The following PCDHA1 variants were observed in gnomAD, a reference collection of about 807,000 sequenced individuals.
PCDHA1 encodes the protein protocadherin alpha 1.
PCDHA1 carries 42 observed loss-of-function variants against 61.3 expected under a neutral mutation model. The observed-to-expected ratio is 0.69, with a 90% CI of 0.54 to 0.89. PCDHA1 has a LOEUF of 0.89. Ranked by LOEUF, PCDHA1 falls within the 40% of genes least tolerant of loss-of-function variation. The pLI is 0.00. For synonymous variants in PCDHA1, 610 were observed against 553.8 expected (o/e 1.10, Z -1.43); for missense variants, 1,256 against 1,235.3 (o/e 1.02, Z -0.25).
Position 140,830,132 on chromosome 5 carries a change from C to T in PCDHA1, c.2394+41448C>T, listed in dbSNP as rs116757950. The T allele has an allele frequency of 1.9e-3, 3,075 of 1,613,350 alleles. 56 individuals carry two copies. In the African/African-American group the frequency reaches 0.036, roughly 19 times the overall value. On this transcript the variant is annotated intron_variant, in intron 1 of 3. Coordinates refer to ENST00000504120, the MANE Select transcript of PCDHA1 (RefSeq NM_018900.4). ...TGGCCAGGCTCCAAAGGCGTCATCACGGGCGTCGGTGGGCGCCGCGGGCCC... is the reference window on the plus strand; with the variant it reads ...TGGCCAGGCTCCAAAGGCGTCATCATGGGCGTCGGTGGGCGCCGCGGGCCC...
intron 1 of PCDHA1, chr5:140,870,468 A>G: frequency 1.2e-6 from 2 of 1,614,214 alleles, no homozygotes; most frequent in Non-Finnish European, 8.5e-7. Flanking sequence ...CTGCGTTCGC[A>G]CAGCCCGAGT....
chr5:140,821,910 C>T, intron 1 of PCDHA1: 1 of 1,614,236 alleles, frequency 6.2e-7, no homozygotes, highest in East Asian at 2.2e-5. Context: ...CCTTCGTTGG[C>T]CGCATCGCGC....
intron 1 of PCDHA1, chr5:140,828,176 G>A (rs2150151842): frequency 3.1e-6 from 5 of 1,614,128 alleles, no homozygotes; most frequent in Non-Finnish European, 3.4e-6. Flanking sequence ...GGTGGGGAGC[G>A]GCCAGCTCCA....
intron 1 of PCDHA1, among the ~76,000 whole-genome samples, chr5:140,946,992 A>T (rs1393633852): frequency 1.3e-5 from 2 of 151,908 alleles, no homozygotes; most frequent in East Asian, 3.9e-4. Context: ...TGAGTGTTCT[A>T]ACTTCAAAGA....
chr5:140,988,750 C>G (rs1282256432), intron 3 of PCDHA1, among the ~76,000 whole-genome samples: 1 of 152,074 alleles, frequency 6.6e-6, no homozygotes, highest in Non-Finnish European at 1.5e-5. Context: ...GATTGGTGGC[C>G]TGGGCAGAAT....
At chr5:140,948,773 G>A (rs991446033) in intron 1 of PCDHA1, among the ~76,000 whole-genome samples, 12 of 151,352 alleles carry the variant, frequency 7.9e-5, no homozygotes, top group Non-Finnish European at 1.6e-4. Context: ...CGAATAGCCA[G>A]CTTTTGGCTT....
rs1389029259 is a variant in PCDHA1, at chr5:140,786,278, T to C, written c.-13T>C. ...GTAAGAGGAGAGCATAAGAAAGGTG[T>C]AGTCCTTTTGCAATGGTGTTTTCTA... On this transcript the variant is annotated 5_prime_UTR_variant, in exon 1 of 4. Coordinates refer to ENST00000504120, the MANE Select transcript of PCDHA1 (RefSeq NM_018900.4). 7 of 1,586,588 alleles carry C rather than the reference T, an allele frequency of 4.4e-6. No homozygotes were observed. Among genetic ancestry groups the C allele is most frequent in the Non-Finnish European group, 6.0e-6 (7 of 1,167,696 alleles).
intron 3 of PCDHA1, among the ~76,000 whole-genome samples, chr5:141,001,477 A>T (rs2098020508): frequency 6.6e-6 from 1 of 152,176 alleles, no homozygotes; most frequent in South Asian, 2.1e-4. Flanking sequence ...AGCAGCGGGG[A>T]AGTGCTGGAA....
chr5:140,937,964 A>G (rs1298140144), intron 1 of PCDHA1, among the ~76,000 whole-genome samples: 1 of 152,164 alleles, frequency 6.6e-6, no homozygotes, highest in East Asian at 1.9e-4. Flanking sequence ...GAAAGTATAT[A>G]GAAATAATAC....
chr5:140,872,802 A>T (rs533671542), intron 1 of PCDHA1, among the ~76,000 whole-genome samples: 128 of 152,330 alleles, frequency 8.4e-4, no homozygotes, highest in Admixed American at 2.4e-3. Flanking sequence ...GCATTCTTCC[A>T]TAAGTTTTTC....
chr5:140,877,341 C>G, intron 1 of PCDHA1: 3 of 1,614,010 alleles, frequency 1.9e-6, no homozygotes, highest in South Asian at 2.2e-5. Flanking sequence ...TCCCGTTCCA[C>G]GTGGGGCTGT....
At chr5:140,892,827 A>G (rs1304427197) in intron 1 of PCDHA1, among the ~76,000 whole-genome samples, 3 of 152,188 alleles carry the variant, frequency 2.0e-5, no homozygotes, top group African/African-American at 7.2e-5. Context: ...ACAGTGCTAC[A>G]GTGCTGCAAA....
rs569740487 is a variant in PCDHA1, at chr5:140,970,470, G to A, written c.2395-8479G>A. On this transcript the variant is annotated intron_variant, in intron 1 of 3. Transcript: ENST00000504120. Reference sequence around the variant, plus strand: ...AGTTTTGAGATTTAAGTAGGTATAAGGCCAGCTTGTTCATTATTATGAAGA... The same window carrying A: ...AGTTTTGAGATTTAAGTAGGTATAAAGCCAGCTTGTTCATTATTATGAAGA... Among the ~76,000 whole-genome samples the A allele has an allele frequency of 2.6e-5, 4 of 152,238 alleles. No homozygotes were observed. In the South Asian group the frequency reaches 8.3e-4, roughly 32 times the overall value.
chr5:140,993,234 A>AATCTG (rs1554253510), intron 3 of PCDHA1, among the ~76,000 whole-genome samples: 1 of 152,130 alleles, frequency 6.6e-6, no homozygotes, highest in Non-Finnish European at 1.5e-5. Flanking sequence ...GTTCTCTCTG[A>AATCTG]ATCTGGGGAT....
At chr5:140,858,863 A>T (rs1042514918) in intron 1 of PCDHA1, 3 of 258,704 alleles carry the variant, frequency 1.2e-5, no homozygotes, top group Admixed American at 5.3e-5. Context: ...CTCTTCAGTG[A>T]AAATGTGTTT....
chr5:140,795,959 G>A (rs782107752), intron 1 of PCDHA1: 6 of 1,614,018 alleles, frequency 3.7e-6, no homozygotes, highest in Non-Finnish European at 5.1e-6. Context: ...TCAATGTCAG[G>A]ACATTGTAAA....
In PCDHA1 at chr5:140,884,413, G is replaced by C. The variant is rs376737487; in HGVS notation, c.2395-94536G>C. 13 of 1,613,896 alleles carry C rather than the reference G, an allele frequency of 8.1e-6. No homozygotes were observed. The East Asian group carries it at 2.5e-4, about 30-fold the overall frequency. On this transcript the variant is annotated intron_variant, in intron 1 of 3. Transcript: ENST00000504120. Reference sequence around the variant, plus strand: ...TGTCCAGCCTGTTGGTGCTCACGTTGCTGCTGTATACTGCGCTGCGGTGCT... The same window carrying C: ...TGTCCAGCCTGTTGGTGCTCACGTTCCTGCTGTATACTGCGCTGCGGTGCT...
At chr5:140,957,189 G>T (rs1376112973) in intron 1 of PCDHA1, among the ~76,000 whole-genome samples, 1 of 152,174 alleles carries the variant, frequency 6.6e-6, no homozygotes, top group South Asian at 2.1e-4. Context: ...ATTGATGACC[G>T]ATTGGGAATA....
At chr5:140,796,060 G>T (rs1554119669) in intron 1 of PCDHA1, 2 of 1,614,134 alleles carry the variant, frequency 1.2e-6, no homozygotes, top group Non-Finnish European at 1.7e-6. Flanking sequence ...CGCTTCCCTG[G>T]GCACTGTCAT....
Sources: gnomAD v4.1 joint callset for allele counts (sites outside exome capture counted in the v4.1 genomes callset) on GRCh38, gnomAD v4.1.1 for gene constraint, MANE v1.5 for transcripts, NCBI Gene and HGNC (gene_info 2026-07-23, HGNC 2026-07-21) for gene names.